The following COL25A1 variants were observed in gnomAD, a reference collection of about 807,000 sequenced individuals.
COL25A1 encodes collagen alpha-1(XXV) chain.
A neutral mutation model predicts 128.4 loss-of-function variants in COL25A1; 103 were observed. The observed-to-expected ratio is 0.80, with a 90% CI of 0.68 to 0.94. COL25A1 has a LOEUF of 0.94. COL25A1 is among the 40% of genes least tolerant of loss of function. The pLI is 0.00. For missense variants in COL25A1, 745 were observed against 840.0 expected (o/e 0.89, Z 1.40); for synonymous variants, 279 against 277.2 (o/e 1.01, Z -0.06).
At chr4:109,000,774 A>C (rs1469095273) in intron 6 of COL25A1, among the ~76,000 whole-genome samples, 3 of 140,420 alleles carry the variant, frequency 2.1e-5, no homozygotes, top group Non-Finnish European at 4.8e-5. Flanking sequence ...AAAAAGAAAA[A>C]ACTATACACA....
chr4:109,224,434 A>C (rs1354397375), intron 3 of COL25A1, among the ~76,000 whole-genome samples: 1 of 152,186 alleles, frequency 6.6e-6, no homozygotes, highest in Non-Finnish European at 1.5e-5. Context: ...TTTAAATATC[A>C]GTCATCTTAA....
At chr4:108,858,427 C>T (rs2125786384) in intron 24 of COL25A1, among the ~76,000 whole-genome samples, 1 of 152,094 alleles carries the variant, frequency 6.6e-6, no homozygotes, top group South Asian at 2.1e-4. Flanking sequence ...AAATAGCAGC[C>T]CCTTGGTGAG....
chr4:108,907,586 C>A (rs1366870474), intron 13 of COL25A1, among the ~76,000 whole-genome samples: 1 of 152,140 alleles, frequency 6.6e-6, no homozygotes, highest in African/African-American at 2.4e-5. Context: ...TGAAAGGAGC[C>A]AAGCCAGTCA....
Position 108,819,306 on chromosome 4 carries a change from T to A in COL25A1, c.1869A>T (p.Glu623Asp). 6.2e-7 allele frequency: 1 copy of A among 1,613,442 alleles called. No homozygotes were observed. Among genetic ancestry groups the A allele is most frequent in the East Asian group, 2.2e-5 (1 of 44,834 alleles). Residue 623 changes from glutamate to aspartate, a missense_variant, in exon 36 of 38, where the codon GAA (glutamate) becomes GAT (aspartate). By Grantham distance (45) the Glu-to-Asp change is conservative. Around this residue, in one of 3 missense-constraint regions of COL25A1, gnomAD observed 387 missense variants for 441.9 expected, o/e 0.88. Coordinates refer to ENST00000399132, the MANE Select transcript of COL25A1 (RefSeq NM_198721.4). The stretch of plus-strand genomic sequence containing the variant: ...GGCCAGGCTGGCCTGGCTCCCCTTT[T>A]TCCCCCTTAACGCCACGGAATCCCT... ...GEKGFRGVKG[E>D]KGEPGQPGLD...
At chr4:109,110,721 T>C (rs528415973) in intron 3 of COL25A1, among the ~76,000 whole-genome samples, 1 of 152,202 alleles carries the variant, frequency 6.6e-6, no homozygotes, top group Non-Finnish European at 1.5e-5. Flanking sequence ...TCAAGAGTTA[T>C]GGTGCAATTG....
intron 8 of COL25A1, among the ~76,000 whole-genome samples, chr4:108,948,870 C>T (rs892989148): frequency 6.6e-6 from 1 of 152,184 alleles, no homozygotes; most frequent in African/African-American, 2.4e-5. Context: ...GGCAGATACA[C>T]TTCAACACTG....
In COL25A1 at chr4:109,042,131, A is replaced by G. The variant is rs117642281; in HGVS notation, c.420+6037T>C. 4.9e-3 allele frequency among the ~76,000 whole-genome samples: 741 copies of G among 152,154 alleles called. 20 individuals carry two copies. Among genetic ancestry groups the G allele is most frequent in the Admixed American group, 0.035 (536 of 15,272 alleles). On this transcript the variant is annotated intron_variant, in intron 5 of 37. Coordinates refer to ENST00000399132, the MANE Select transcript of COL25A1 (RefSeq NM_198721.4). ...TTTGCAGCTCTTTGCCCCTTACTGT[A>G]GCCACTTCCAGAATTCCAAACTTCT...
chr4:109,279,771 C>G (rs1278010470), intron 3 of COL25A1, among the ~76,000 whole-genome samples: 1 of 152,146 alleles, frequency 6.6e-6, no homozygotes, highest in African/African-American at 2.4e-5. Flanking sequence ...CCACAACAAC[C>G]GTGTGAACAT....
At chr4:109,162,367 A>T (rs912997023) in intron 3 of COL25A1, among the ~76,000 whole-genome samples, 1 of 152,224 alleles carries the variant, frequency 6.6e-6, no homozygotes, top group African/African-American at 2.4e-5. Flanking sequence ...CTCAGAAATT[A>T]ATTTGTTAAG....
At chr4:109,167,927 T>C (rs973207416) in intron 3 of COL25A1, among the ~76,000 whole-genome samples, 1 of 152,096 alleles carries the variant, frequency 6.6e-6, no homozygotes, top group Non-Finnish European at 1.5e-5. Context: ...AGAAACAATT[T>C]TGTCAAAACT....
intron 5 of COL25A1, among the ~76,000 whole-genome samples, chr4:109,037,694 C>T (rs144872779): frequency 1.3e-5 from 2 of 152,192 alleles, no homozygotes; most frequent in Non-Finnish European, 2.9e-5. Context: ...AGCTGGCCCA[C>T]GTGTCACTTC....
chr4:109,294,934 T>A (rs1361080466), intron 3 of COL25A1, among the ~76,000 whole-genome samples: 1 of 152,030 alleles, frequency 6.6e-6, no homozygotes, highest in Non-Finnish European at 1.5e-5. Context: ...CCCTTCTCCA[T>A]CCCTAGACCT....
intron 3 of COL25A1, among the ~76,000 whole-genome samples, chr4:109,140,339 T>A (rs560793406): frequency 6.6e-6 from 1 of 152,230 alleles, no homozygotes; most frequent in East Asian, 1.9e-4. Context: ...TGTAGCCTTG[T>A]AGTATAGTTT....
At chr4:109,002,295 G>A (rs1755515530) in intron 6 of COL25A1, among the ~76,000 whole-genome samples, 1 of 152,180 alleles carries the variant, frequency 6.6e-6, no homozygotes, top group African/African-American at 2.4e-5. Context: ...CAATAGTCAA[G>A]ATATGGAATC....
intron 6 of COL25A1, among the ~76,000 whole-genome samples, chr4:109,004,054 C>G (rs532729596): frequency 6.6e-6 from 1 of 152,186 alleles, no homozygotes. Context: ...GTGAGAATTG[C>G]TTTTTTAATT....
intron 3 of COL25A1, among the ~76,000 whole-genome samples, chr4:109,147,652 A>G (rs1047783763): frequency 1.3e-5 from 2 of 152,034 alleles, no homozygotes; most frequent in Non-Finnish European, 2.9e-5. Flanking sequence ...CCCTGTCTCT[A>G]GTCAAAATAC....
chr4:108,901,302 T>A, intron 13 of COL25A1, 130 bp from the exon 14 acceptor site: 1 of 682,964 alleles, frequency 1.5e-6, no homozygotes, highest in Non-Finnish European at 2.5e-6. Flanking sequence ...TTAGTTTAAA[T>A]TCAAGTTAGC....
rs183919788 is a variant in COL25A1 at position 108,844,431 on chromosome 4, G to T, written c.1629+88C>A. 8.6e-4 allele frequency: 1,389 copies of T among 1,608,990 alleles called. 2 individuals are homozygous for T. The highest frequency in any genetic ancestry group is 1.1e-3 in the Non-Finnish European group (1,262 of 1,176,672). On this transcript the variant is annotated intron_variant, in intron 30 of 37. Transcript: ENST00000399132. ...CCACAGAGAGTAGTACAAAATACAA[G>T]CTGGCTGTTTAGAGGGATGTGTTCA...
intron 3 of COL25A1, among the ~76,000 whole-genome samples, chr4:109,145,243 A>G (rs1364836090): frequency 1.3e-5 from 2 of 151,784 alleles, no homozygotes; most frequent in Admixed American, 1.3e-4. Context: ...AATTTATTGT[A>G]TTTTTAGTAG....
Sources: gnomAD v4.1 joint callset for allele counts (sites outside exome capture counted in the v4.1 genomes callset) on GRCh38, gnomAD v4.1.1 for gene constraint, gnomAD v4.1.1 regional missense constraint, MANE v1.5 for transcripts, NCBI Gene and HGNC (gene_info 2026-07-23, HGNC 2026-07-21) for gene names.